The following ALDH3A1 variants were observed in gnomAD, a reference collection of about 807,000 sequenced individuals.
ALDH3A1 encodes the protein aldehyde dehydrogenase, dimeric NADP-preferring.
ALDH3A1 carries 46 observed loss-of-function variants against 49.9 expected under a neutral mutation model. The observed-to-expected ratio is 0.92, with a 90% CI of 0.73 to 1.18. ALDH3A1 has a LOEUF of 1.18. ALDH3A1 is among the 50% of genes most tolerant of loss of function. The probability of loss-of-function intolerance (pLI) is 0.00; values close to 1 mark genes in which losing one functional copy is unlikely to be tolerated. For synonymous variants in ALDH3A1, 269 were observed against 253.3 expected (o/e 1.06, Z -0.59); for missense variants, 592 against 611.8 (o/e 0.97, Z 0.34).
intron 2 of ALDH3A1, 188 bp downstream of exon 2, chr17:19,744,780 G>A (rs1597674900): frequency 4.4e-6 from 6 of 1,374,820 alleles, no homozygotes; most frequent in Non-Finnish European, 5.6e-6. Flanking sequence ...CCAGAGGGCG[G>A]AAGAGGCGGC....
chr17:19,743,882 G>A lies in ALDH3A1; in HGVS notation c.163-419C>T, dbSNP rs1048556936. On this transcript the variant is annotated intron_variant, in intron 2 of 10. Transcript: ENST00000225740. The surrounding 1 kb of genome is among the most constrained non-coding windows in gnomAD (Gnocchi z 4.4). ...GATCCGGGCAGGGTGGAGGGAGCCA[G>A]GCCCTTTAGTTGTCTGGAGGGGGAT... 10 of 985,122 alleles carry A rather than the reference G, an allele frequency of 1.0e-5. No homozygotes were observed. The highest frequency in any genetic ancestry group is 1.2e-5 in the Non-Finnish European group (10 of 829,874). 61.0% of individuals were successfully genotyped at this position (985,122 alleles called of 1,614,324 possible).
Position 19,743,670 on chromosome 17 carries a change from G to C in ALDH3A1, c.163-207C>G, listed in dbSNP as rs2086545268. 1 of 985,366 alleles carries C rather than the reference G, an allele frequency of 1.0e-6. No individual in the cohort carries two copies. The highest frequency in any genetic ancestry group is 6.1e-5 in the Admixed American group (1 of 16,290). The allele number at this position is 985,366 out of a possible 1,614,324, so 61.0% of individuals were successfully genotyped here. A position where few individuals can be genotyped will look rare whatever the true frequency, so the allele number is the denominator to read the frequency against. ...CTGAGAGGACCCCTTTCTGCCAGAGGGGGGCCCAGGTAGGTTTGCGGCCCC... is the reference window on the plus strand; with the variant it reads ...CTGAGAGGACCCCTTTCTGCCAGAGCGGGGCCCAGGTAGGTTTGCGGCCCC... On this transcript the variant is annotated intron_variant, in intron 2 of 10. Coordinates refer to ENST00000225740, the MANE Select transcript of ALDH3A1 (RefSeq NM_000691.5). The surrounding 1 kb of genome is among the most constrained non-coding windows in gnomAD (Gnocchi z 4.4).
intron 9 of ALDH3A1, 88 bp downstream of exon 9, chr17:19,738,908 G>T: frequency 8.4e-7 from 1 of 1,195,942 alleles, no homozygotes; most frequent in Non-Finnish European, 1.2e-6. Context: ...CGCCCGGGCT[G>T]CAGGAGGTGG....
intron 2 of ALDH3A1, 154 bp downstream of exon 2, chr17:19,744,814 G>A (rs2086567285): frequency 7.4e-7 from 1 of 1,354,068 alleles, no homozygotes; most frequent in Non-Finnish European, 9.5e-7. Context: ...GCGCGGCGGA[G>A]GGGAGGGCGG....
chr17:19,745,259 G>A, intron 1 of ALDH3A1, 125 bp from the exon 2 acceptor site: 1 of 1,059,380 alleles, frequency 9.4e-7, no homozygotes, highest in Non-Finnish European at 1.3e-6. Flanking sequence ...CTTTCCGCTG[G>A]AAGGTCCACT....
At chr17:19,746,411 A>C (rs1255203899) in intron 1 of ALDH3A1, among the ~76,000 whole-genome samples, 1 of 152,108 alleles carries the variant, frequency 6.6e-6, no homozygotes, top group Non-Finnish European at 1.5e-5. Flanking sequence ...TTCTCCTATT[A>C]GATTAGTGGT....
At chr17:19,739,453 C>A in intron 8 of ALDH3A1, 55 bp downstream of exon 8, 1 of 1,562,950 alleles carries the variant, frequency 6.4e-7, no homozygotes, top group East Asian at 2.3e-5. Context: ...CAGTTTGAAC[C>A]CAGGTCTGTG....
intron 2 of ALDH3A1, 59 bp downstream of exon 2, chr17:19,744,909 C>CT: frequency 9.9e-7 from 1 of 1,010,210 alleles, no homozygotes; most frequent in Non-Finnish European, 1.3e-6. Context: ...CAGCCCCTCC[C>CT]CCCACGCCCC....
intron 2 of ALDH3A1, 67 bp downstream of exon 2, chr17:19,744,901 G>GGCCCCCCCCCCC: frequency 9.2e-6 from 4 of 434,632 alleles, no homozygotes; most frequent in Non-Finnish European, 1.3e-5. Flanking sequence ...ACTCTCCCCA[G>GGCCCCCCCCCCC]CCCCTCCCCC....
chr17:19,740,519 C>T, intron 6 of ALDH3A1, 42 bp from the exon 7 acceptor site: 3 of 1,607,032 alleles, frequency 1.9e-6, no homozygotes, highest in Non-Finnish European at 2.5e-6. Context: ...GACGCAGAGC[C>T]TCGTCCTGCC....
Position 19,738,402 on chromosome 17 carries a change from G to A in ALDH3A1, c.1268C>T (p.Ser423Phe), listed in dbSNP as rs777628642. 1.9e-6 allele frequency: 3 copies of A among 1,613,810 alleles called. No homozygotes were observed. The highest frequency in any genetic ancestry group is 2.7e-5 in the African/African-American group (2 of 75,056). The change falls in exon 10 of 11, where the codon TCT (serine) becomes TTT (phenylalanine). Residue 423 changes from serine to phenylalanine, a missense_variant. By Grantham distance (155) the Ser-to-Phe change is radical (BLOSUM62 -2). Transcript: ENST00000225740. ...CCTCACCAGGCAAGAGCGGCGGTGAGAGAAAGTCTCGAAGCTCTTCTTGCC... is the reference window on the plus strand; with the variant it reads ...CCTCACCAGGCAAGAGCGGCGGTGAAAGAAAGTCTCGAAGCTCTTCTTGCC... ...YHGKKSFETF[S>F]HRRSCLVRPL...
In ALDH3A1 at chr17:19,745,068, C is replaced by A. The variant is rs774623416; in HGVS notation, c.62G>T (p.Arg21Leu). The change falls in exon 2 of 11, where the codon CGT (arginine) becomes CTT (leucine). Residue 21 changes from arginine (R) to leucine (L), a missense_variant. Coordinates refer to ENST00000225740, the MANE Select transcript of ALDH3A1 (RefSeq NM_000691.5). The stretch of plus-strand genomic sequence containing the variant: ...CTGCTGGATCCGGAACTGCAGCGGA[C>A]GGGTCCTGCCCGAGCTGAAGGCGGC... The part of the protein sequence containing the change: ...ARAAFSSGRT[R>L]PLQFRIQQLE... 3.1e-6 allele frequency: 5 copies of A among 1,596,112 alleles called. No homozygotes were observed. Among genetic ancestry groups the A allele is most frequent in the African/African-American group, 2.7e-5 (2 of 74,426 alleles).
rs1386992748 is a variant in ALDH3A1 at position 19,738,993 on chromosome 17, C to T, written c.1216+3G>A. 1.1e-5 allele frequency: 18 copies of T among 1,612,332 alleles called. No individual in the cohort carries two copies. The highest frequency in any genetic ancestry group is 1.4e-5 in the Non-Finnish European group (16 of 1,179,566). On this transcript the variant is annotated splice_donor_region_variant and intron_variant, in intron 9 of 10. Coordinates refer to ENST00000225740, the MANE Select transcript of ALDH3A1 (RefSeq NM_000691.5). ...GAGGCAGCAAGCTCAGCCCCAGACT[C>T]ACCCACGCCCCCGAAGGGCAGAGAG...
intron 2 of ALDH3A1, chr17:19,744,306 G>A: frequency 1.4e-6 from 1 of 716,444 alleles, no homozygotes; most frequent in Non-Finnish European, 1.7e-6. Flanking sequence ...GGGAGGCTGA[G>A]GCAGGAGAAT....
At position 19,743,923 on chromosome 17, in the gene ALDH3A1, G is replaced by C; in HGVS notation, c.163-460C>G. On this transcript the variant is annotated intron_variant, in intron 2 of 10. Coordinates refer to ENST00000225740, the MANE Select transcript of ALDH3A1 (RefSeq NM_000691.5). The surrounding 1 kb of genome is among the most constrained non-coding windows in gnomAD (Gnocchi z 4.4). The stretch of plus-strand genomic sequence containing the variant: ...GGAGGGGGATGCAGGACCAAGGGCT[G>C]CTGGGCGCTCAGGGCCTCCTGTGGG... 1.0e-6 allele frequency: 1 copy of C among 985,346 alleles called. No individual in the cohort carries two copies. Among genetic ancestry groups the C allele is most frequent in the Non-Finnish European group, 1.2e-6 (1 of 829,904 alleles). 61.0% of individuals were successfully genotyped at this position (985,346 alleles called of 1,614,324 possible). A position where few individuals can be genotyped will look rare whatever the true frequency, so the allele number is the denominator to read the frequency against.
intron 1 of ALDH3A1, among the ~76,000 whole-genome samples, chr17:19,746,622 T>C (rs7221554): frequency 2.0e-5 from 3 of 148,994 alleles, no homozygotes; most frequent in South Asian, 2.1e-4. Context: ...TGTGTGTGTG[T>C]GCGTGTGTGT....
intron 7 of ALDH3A1, 84 bp downstream of exon 7, chr17:19,740,252 A>G: frequency 6.4e-7 from 1 of 1,559,888 alleles, no homozygotes; most frequent in Non-Finnish European, 8.7e-7. Flanking sequence ...TCCGCTTATC[A>G]AGCATCTGTG....
chr17:19,745,262 G>A, intron 1 of ALDH3A1, 128 bp from the exon 2 acceptor site: 1 of 1,040,736 alleles, frequency 9.6e-7, no homozygotes, highest in South Asian at 1.8e-5. Flanking sequence ...TCCGCTGGAA[G>A]GTCCACTTTC....
At chr17:19,740,889 C>T (rs1316010045) in intron 6 of ALDH3A1, among the ~76,000 whole-genome samples, 1 of 152,212 alleles carries the variant, frequency 6.6e-6, no homozygotes, top group Non-Finnish European at 1.5e-5. Context: ...TGGTCTCAAA[C>T]TTCTGGCCTC....
Sources: allele counts gnomAD v4.1 joint callset (sites outside exome capture counted in the v4.1 genomes callset), GRCh38; gene constraint gnomAD v4.1.1; non-coding constraint Gnocchi (gnomAD v3.1); transcripts MANE v1.5; gene names NCBI Gene and HGNC (gene_info 2026-07-23, HGNC 2026-07-21).